The following SMKR1 variants were observed in gnomAD, a reference collection of about 807,000 sequenced individuals.
SMKR1 encodes the protein small lysine-rich protein 1.
SMKR1 carries 4 observed loss-of-function variants against 4.0 expected under a neutral mutation model. The ratio of observed to expected loss-of-function variants is 1.00; its 90% CI spans 0.49 to 2.30. The LOEUF (loss-of-function observed/expected upper bound fraction) is 2.30, where lower values mean the gene tolerates loss of function less well. SMKR1 is among the 30% of genes most tolerant of loss of function. The pLI is 0.02. For synonymous variants in SMKR1, 38 were observed against 32.5 expected (o/e 1.17, Z -0.58); for missense variants, 56 against 81.8 (o/e 0.68, Z 1.22).
chr7:129,503,627 C>T (rs1356011932), intron 1 of SMKR1, among the ~76,000 whole-genome samples: 1 of 152,194 alleles, frequency 6.6e-6, no homozygotes, highest in Admixed American at 6.5e-5. Context: ...CCCCATCGCT[C>T]CTTCAGCGCC....
intron 1 of SMKR1, among the ~76,000 whole-genome samples, chr7:129,509,626 C>T (rs1318955088): frequency 2.0e-5 from 3 of 152,090 alleles, no homozygotes; most frequent in Non-Finnish European, 4.4e-5. Flanking sequence ...CTGCAACCTC[C>T]GTCTTCCGGG....
At position 129,510,052 on chromosome 7, in the gene SMKR1, C is replaced by G. The variant is rs139221481; in HGVS notation, c.4-2195C>G. Among the ~76,000 whole-genome samples the G allele has an allele frequency of 1.2e-3, 185 of 152,226 alleles. 1 individual carries two copies. The highest frequency in any genetic ancestry group is 4.3e-3 in the African/African-American group (177 of 41,538). On this transcript the variant is annotated intron_variant, in intron 1 of 1. Transcript: ENST00000462322. ...TTGGTTATTTTCTGTATGTGTGGGT[C>G]AGAGGACATAGAGAAGTTCAACTCA...
At chr7:129,504,209 C>G (rs891974392) in intron 1 of SMKR1, among the ~76,000 whole-genome samples, 1 of 152,214 alleles carries the variant, frequency 6.6e-6, no homozygotes, top group African/African-American at 2.4e-5. Context: ...TTAATTCATG[C>G]TCCTTGAATG....
In SMKR1 at chr7:129,504,787, G is replaced by A. The variant is rs149927740; in HGVS notation, c.3+1960G>A. Among the ~76,000 whole-genome samples, 1,292 of 152,332 alleles carry A rather than the reference G, an allele frequency of 8.5e-3. 12 individuals are homozygous for A. The highest frequency in any genetic ancestry group is 0.02 in the Admixed American group (309 of 15,296). On this transcript the variant is annotated intron_variant, in intron 1 of 1. Coordinates refer to ENST00000462322, the MANE Select transcript of SMKR1 (RefSeq NM_001195243.2). Reference sequence around the variant, plus strand: ...CAGACTGGTCTCAAACTGGGTGCAAGTGATCCACCTGCCTCGGCCTCCCAG... The same window carrying A: ...CAGACTGGTCTCAAACTGGGTGCAAATGATCCACCTGCCTCGGCCTCCCAG...
At chr7:129,502,909 G>T in intron 1 of SMKR1, 82 bp downstream of exon 1, 2 of 1,522,844 alleles carry the variant, frequency 1.3e-6, no homozygotes, top group Non-Finnish European at 1.8e-6. Context: ...CGCGGGCGCC[G>T]AGGTCACCGC....
At chr7:129,510,697 C>T (rs1799516555) in intron 1 of SMKR1, among the ~76,000 whole-genome samples, 1 of 152,118 alleles carries the variant, frequency 6.6e-6, no homozygotes, top group Non-Finnish European at 1.5e-5. Context: ...CACTGCACTC[C>T]AGCCTGGGTG....
intron 1 of SMKR1, among the ~76,000 whole-genome samples, chr7:129,511,085 C>T (rs1297599264): frequency 1.3e-5 from 2 of 152,232 alleles, no homozygotes; most frequent in Non-Finnish European, 2.9e-5. Flanking sequence ...GCTGGGATTA[C>T]AGGCGTGAGC....
intron 1 of SMKR1, 97 bp from the exon 2 acceptor site, chr7:129,512,150 C>T (rs1271979287): frequency 8.1e-7 from 1 of 1,237,542 alleles, no homozygotes; most frequent in Admixed American, 2.8e-5. Context: ...TGTCACTACA[C>T]TCCAGCCTGG....
chr7:129,512,109 G>A (rs951904235), intron 1 of SMKR1, 138 bp from the exon 2 acceptor site: 11 of 791,932 alleles, frequency 1.4e-5, no homozygotes, highest in Middle Eastern at 2.7e-4. Flanking sequence ...ACTTGAGCAC[G>A]GGAGGTGGAG....
intron 1 of SMKR1, among the ~76,000 whole-genome samples, chr7:129,504,829 G>T (rs1399017884): frequency 2.0e-5 from 3 of 152,206 alleles, no homozygotes; most frequent in African/African-American, 7.2e-5. Context: ...GGGATTACAG[G>T]TGTGAACCAC....
chr7:129,507,648 A>G (rs1270343409), intron 1 of SMKR1, among the ~76,000 whole-genome samples: 1 of 152,188 alleles, frequency 6.6e-6, no homozygotes, highest in African/African-American at 2.4e-5. Context: ...TCAGAGTTGT[A>G]TGAGAGTTTC....
chr7:129,511,401 C>T (rs1799525280), intron 1 of SMKR1, among the ~76,000 whole-genome samples: 1 of 152,068 alleles, frequency 6.6e-6, no homozygotes, highest in Admixed American at 6.6e-5. Flanking sequence ...TTAAAGCAAA[C>T]CTCAGGCCTT....
intron 1 of SMKR1, among the ~76,000 whole-genome samples, chr7:129,509,730 G>A (rs529914043): frequency 2.0e-5 from 3 of 152,130 alleles, no homozygotes; most frequent in East Asian, 1.9e-4. Flanking sequence ...TAGTAGAGAC[G>A]GGGTTTCACC....
chr7:129,505,824 C>T (rs34911743), intron 1 of SMKR1, among the ~76,000 whole-genome samples: 29,468 of 152,040 alleles, frequency 0.19, 3,496 homozygotes, highest in Admixed American at 0.26. Flanking sequence ...CAGAGGCTAG[C>T]GTAAAGAGAA....
chr7:129,502,743 T>A lies in SMKR1; in HGVS notation c.-82T>A, dbSNP rs1473007797. The A allele has an allele frequency of 6.5e-7, 1 of 1,530,674 alleles. No homozygotes were observed. The highest frequency in any genetic ancestry group is 2.4e-5 in the East Asian group (1 of 40,820). 94.8% of individuals were successfully genotyped at this position (1,530,674 alleles called of 1,614,324 possible). On this transcript the variant is annotated 5_prime_UTR_variant, in exon 1 of 2. Coordinates refer to ENST00000462322, the MANE Select transcript of SMKR1 (RefSeq NM_001195243.2). ...CCGGGGGTGCTAGGGGAACGGGCGC[T>A]GGGGGCAGCGGCCCCGGTGGATGCT...
chr7:129,505,637 C>G (rs892982711), intron 1 of SMKR1, among the ~76,000 whole-genome samples: 33 of 152,030 alleles, frequency 2.2e-4, no homozygotes, highest in African/African-American at 7.7e-4. Context: ...CGCCACCGTG[C>G]CTGGCTAATT....
At chr7:129,505,600 T>TC (rs1294807748) in intron 1 of SMKR1, among the ~76,000 whole-genome samples, 1 of 152,010 alleles carries the variant, frequency 6.6e-6, no homozygotes. Context: ...TGCCTCAGCC[T>TC]CCTGAGTAGC....
chr7:129,508,258 T>C (rs1427451656), intron 1 of SMKR1, among the ~76,000 whole-genome samples: 1 of 152,162 alleles, frequency 6.6e-6, no homozygotes, highest in East Asian at 1.9e-4. Context: ...TTGAACAAGA[T>C]TATCTTTGCT....
chr7:129,507,026 T>C (rs940111477), intron 1 of SMKR1, among the ~76,000 whole-genome samples: 10 of 151,762 alleles, frequency 6.6e-5, no homozygotes, highest in African/African-American at 2.4e-4. Context: ...TAATTTTTTT[T>C]TTTTTTTGAG....
Sources: gnomAD v4.1 joint callset for allele counts (sites outside exome capture counted in the v4.1 genomes callset) on GRCh38, gnomAD v4.1.1 for gene constraint, MANE v1.5 for transcripts, NCBI Gene and HGNC (gene_info 2026-07-23, HGNC 2026-07-21) for gene names.